RFX3: variants seen among roughly 807,000 people sequenced by gnomAD.
RFX3 encodes the protein regulatory factor X3.
Under a neutral mutation model 98.6 loss-of-function variants are expected in RFX3, and 14 were observed. That is an observed-to-expected ratio of 0.14 (90% CI 0.09 to 0.22). RFX3 has a LOEUF of 0.22. RFX3 is among the 10% of genes least tolerant of loss of function. The pLI is 1.00. For missense variants in RFX3, 639 were observed against 926.9 expected (o/e 0.69, Z 4.03); for synonymous variants, 383 against 328.4 (o/e 1.17, Z -1.80).
intron 1 of RFX3, among the ~76,000 whole-genome samples, chr9:3,430,264 C>T (rs1350074453): frequency 6.6e-6 from 1 of 152,140 alleles, no homozygotes; most frequent in African/African-American, 2.4e-5. Context: ...AGATGGATAG[C>T]ATGCTAGGCT....
At chr9:3,398,994 G>A (rs1841203361) in intron 1 of RFX3, among the ~76,000 whole-genome samples, 1 of 149,814 alleles carries the variant, frequency 6.7e-6, no homozygotes, top group Non-Finnish European at 1.5e-5. Flanking sequence ...CCACCTGGGA[G>A]AGCATATCAG....
chr9:3,289,809 C>G (rs532188499), intron 6 of RFX3, among the ~76,000 whole-genome samples: 1 of 152,054 alleles, frequency 6.6e-6, no homozygotes, highest in South Asian at 2.1e-4. Context: ...TTGTTTAAAA[C>G]AGTGATTTGA....
intron 11 of RFX3, among the ~76,000 whole-genome samples, chr9:3,269,902 C>G (rs1206648608): frequency 1.3e-5 from 2 of 151,972 alleles, no homozygotes; most frequent in African/African-American, 4.8e-5. Context: ...GGAGGTTGGC[C>G]TAGCAATTAC....
At chr9:3,341,577 A>G (rs149802000) in intron 3 of RFX3, among the ~76,000 whole-genome samples, 113 of 152,286 alleles carry the variant, frequency 7.4e-4, no homozygotes, top group African/African-American at 2.5e-3. Flanking sequence ...ACTTAAAGCC[A>G]CCAAGTAGTC....
chr9:3,413,491 C>A (rs1031430218), intron 1 of RFX3, among the ~76,000 whole-genome samples: 1 of 152,014 alleles, frequency 6.6e-6, no homozygotes, highest in Non-Finnish European at 1.5e-5. Context: ...AATGGCCCAC[C>A]TTTAGTATTT....
chr9:3,291,568 TTC>T (rs974342063), intron 6 of RFX3, among the ~76,000 whole-genome samples: 64 of 152,122 alleles, frequency 4.2e-4, no homozygotes, highest in African/African-American at 1.5e-3. Context: ...ATACATACAG[TTC>T]TCTCTGTTTC....
At chr9:3,325,078 C>A (rs1431466592) in intron 4 of RFX3, among the ~76,000 whole-genome samples, 1 of 152,110 alleles carries the variant, frequency 6.6e-6, no homozygotes, top group Admixed American at 6.5e-5. Flanking sequence ...TTTCTTATAT[C>A]TTTTGAATGT....
intron 13 of RFX3, among the ~76,000 whole-genome samples, chr9:3,258,042 C>G (rs1451893032): frequency 2.0e-5 from 3 of 152,048 alleles, no homozygotes; most frequent in Non-Finnish European, 2.9e-5. Flanking sequence ...TCACTCAAGG[C>G]AAAACATAAT....
chr9:3,234,319 G>C (rs1818853841), intron 15 of RFX3, among the ~76,000 whole-genome samples: 3 of 152,164 alleles, frequency 2.0e-5, no homozygotes, highest in Non-Finnish European at 2.9e-5. Flanking sequence ...GTATATGAAT[G>C]TGTGTAACAT....
chr9:3,525,168 G>A (rs1279700378), intron 1 of RFX3, among the ~76,000 whole-genome samples: 1 of 151,952 alleles, frequency 6.6e-6, no homozygotes. Flanking sequence ...ATGGGCGGTG[G>A]GAAAAGTTCA....
rs1423540909 is a variant in RFX3, at chr9:3,219,027, T to C, written c.*6015A>G. 2 of 152,102 alleles carry C rather than the reference T, an allele frequency of 1.3e-5. No individual in the cohort carries two copies. Among genetic ancestry groups the C allele is most frequent in the African/African-American group, 4.8e-5 (2 of 41,418 alleles). The allele number at this position is 152,102 out of a possible 1,614,324, so 9.4% of individuals were successfully genotyped here. Reference sequence around the variant, plus strand: ...GCACTACAATTAACCTAATTAAAAGTTTACCACCTCAGGCACAAATTTCCA... The same window carrying C: ...GCACTACAATTAACCTAATTAAAAGCTTACCACCTCAGGCACAAATTTCCA... On this transcript the variant is annotated 3_prime_UTR_variant, in exon 17 of 17. Coordinates refer to ENST00000617270, the MANE Select transcript of RFX3 (RefSeq NM_001282116.2).
intron 4 of RFX3, among the ~76,000 whole-genome samples, chr9:3,305,846 T>A (rs1047961907): frequency 1.3e-5 from 2 of 152,038 alleles, no homozygotes; most frequent in Non-Finnish European, 2.9e-5. Flanking sequence ...TTATTGTAGG[T>A]TAGATATTTA....
At chr9:3,271,426 C>T (rs1323206801) in intron 9 of RFX3, among the ~76,000 whole-genome samples, 1 of 151,786 alleles carries the variant, frequency 6.6e-6, no homozygotes, top group Non-Finnish European at 1.5e-5. Flanking sequence ...TTTCATTCCT[C>T]TCTTCTTTCC....
At chr9:3,308,279 T>A (rs1829561947) in intron 4 of RFX3, among the ~76,000 whole-genome samples, 1 of 152,142 alleles carries the variant, frequency 6.6e-6, no homozygotes, top group African/African-American at 2.4e-5. Flanking sequence ...TGGCAACTCC[T>A]GTAAGATCAA....
intron 2 of RFX3, among the ~76,000 whole-genome samples, chr9:3,390,918 C>A (rs974931485): frequency 6.6e-6 from 1 of 152,042 alleles, no homozygotes; most frequent in Non-Finnish European, 1.5e-5. Context: ...TAGGTTGGTG[C>A]AAAAATTAAA....
At chr9:3,396,882 G>C (rs1040513434) in intron 1 of RFX3, among the ~76,000 whole-genome samples, 1 of 152,022 alleles carries the variant, frequency 6.6e-6, no homozygotes, top group Non-Finnish European at 1.5e-5. Flanking sequence ...CTTACTATTT[G>C]GTGATCTAAA....
At chr9:3,517,114 A>T (rs1335942206) in intron 1 of RFX3, among the ~76,000 whole-genome samples, 3 of 152,176 alleles carry the variant, frequency 2.0e-5, no homozygotes, top group Admixed American at 2.0e-4. Flanking sequence ...GGAAATGCCA[A>T]TTCCTGGCTC....
intron 1 of RFX3, among the ~76,000 whole-genome samples, chr9:3,438,114 G>C (rs1055512090): frequency 6.6e-6 from 1 of 152,054 alleles, no homozygotes; most frequent in African/African-American, 2.4e-5. Context: ...GCTCCAGTGT[G>C]TCACCTCCTC....
At chr9:3,348,780 T>G (rs554819932) in intron 2 of RFX3, among the ~76,000 whole-genome samples, 1 of 152,168 alleles carries the variant, frequency 6.6e-6, no homozygotes, top group East Asian at 1.9e-4. Flanking sequence ...AATCTTTTTT[T>G]CTTGCTAAAA....
Sources: allele counts gnomAD v4.1 joint callset (sites outside exome capture counted in the v4.1 genomes callset), GRCh38; gene constraint gnomAD v4.1.1; transcripts MANE v1.5; gene names NCBI Gene and HGNC (gene_info 2026-07-23, HGNC 2026-07-21).